SVOPL: variants seen among roughly 807,000 people sequenced by gnomAD.
SVOPL encodes SVOP like.
A neutral mutation model predicts 61.0 loss-of-function variants in SVOPL; 60 were observed. The ratio of observed to expected loss-of-function variants is 0.98; its 90% confidence interval spans 0.80 to 1.22. The LOEUF (loss-of-function observed/expected upper bound fraction) is 1.22. SVOPL is among the 50% of genes most tolerant of loss of function. SVOPL has a pLI of 0.00. For synonymous variants in SVOPL, 279 were observed against 250.0 expected, an observed-to-expected ratio of 1.12 and a Z score of -1.09; for missense variants, 662 against 643.9, an observed-to-expected ratio of 1.03 and a Z score of -0.30.
chr7:138,680,571 TTGTGTG>T (rs60027714), intron 1 of SVOPL, among the ~76,000 whole-genome samples: 2 of 148,008 alleles, frequency 1.4e-5, no homozygotes, highest in African/African-American at 5.0e-5. Context: ...ACACAGACTT[TTGTGTG>T]TGTGTGTGTG....
chr7:138,662,271 C>A (rs1802033248), intron 5 of SVOPL: 1 of 985,332 alleles, frequency 1.0e-6, no homozygotes, highest in Non-Finnish European at 1.2e-6. Context: ...TCCTAAAATT[C>A]CATCACAGGC....
intron 5 of SVOPL, chr7:138,660,681 T>C (rs1236593891): frequency 6.2e-5 from 61 of 985,330 alleles, no homozygotes; most frequent in Non-Finnish European, 7.2e-5. Flanking sequence ...CTGATATCTT[T>C]AGCAAGCTAG....
intron 3 of SVOPL, among the ~76,000 whole-genome samples, chr7:138,675,776 CCCCAT>C (rs1802545060): frequency 6.6e-6 from 1 of 152,094 alleles, no homozygotes; most frequent in South Asian, 2.1e-4. Flanking sequence ...GTTGAGTGGA[CCCCAT>C]ATCTTTGATT....
In SVOPL at chr7:138,613,317, G is replaced by T. The variant is rs556451253; in HGVS notation, c.1353+7729C>A. ...TTACAGGCATGAGCCACCGTGACAG[G>T]CCAGAGTGATCTTTTTAAAAAACAA... On this transcript the variant is annotated intron_variant, in intron 14 of 15. Coordinates refer to ENST00000674285, the MANE Select transcript of SVOPL (RefSeq NM_001139456.2). 7.8e-4 allele frequency among the ~76,000 whole-genome samples: 118 copies of T among 152,174 alleles called. No homozygotes were observed. In the South Asian group the frequency reaches 0.024, roughly 30 times the overall value.
chr7:138,676,997 G>A (rs901146650), intron 3 of SVOPL, among the ~76,000 whole-genome samples: 4 of 144,390 alleles, frequency 2.8e-5, no homozygotes, highest in Non-Finnish European at 6.0e-5. Flanking sequence ...TCCACCTCCC[G>A]GATTCACGCC....
At chr7:138,680,001 G>C (rs58930234) in intron 1 of SVOPL, among the ~76,000 whole-genome samples, 1 of 151,918 alleles carries the variant, frequency 6.6e-6, no homozygotes. Flanking sequence ...CTCTGAGACC[G>C]GTAACCAACC....
Position 138,628,359 on chromosome 7 carries a change from C to G in SVOPL, c.868G>C (p.Gly290Arg). ...ACCCCATAGTAGGCAAAAGAGATTC[C>G]AAGCCTGGAAGAGAGAAAACAAAGT... The part of the protein sequence containing the change: ...TTLQIWVIWL[G>R]ISFAYYGVIL... Residue 290 changes from glycine (G) to arginine (R), a missense_variant, in exon 11 of 16, where the codon GGA becomes CGA. Transcript: ENST00000674285. 1.9e-6 allele frequency: 3 copies of G among 1,613,920 alleles called. No individual in the cohort carries two copies. Among genetic ancestry groups the G allele is most frequent in the Non-Finnish European group, 2.5e-6 (3 of 1,179,970 alleles).
chr7:138,690,624 G>T (rs147460317), intron 1 of SVOPL, among the ~76,000 whole-genome samples: 1 of 152,022 alleles, frequency 6.6e-6, no homozygotes, highest in Non-Finnish European at 1.5e-5. Context: ...GAGTGGTTGC[G>T]GGGGGAGGAG....
intron 4 of SVOPL, chr7:138,663,542 A>G: frequency 2.0e-6 from 2 of 999,120 alleles, no homozygotes; most frequent in Non-Finnish European, 2.4e-6. Context: ...TGTTATTACA[A>G]ATAGACATAA....
At chr7:138,601,618 G>A (rs955360896) in intron 14 of SVOPL, among the ~76,000 whole-genome samples, 1 of 151,968 alleles carries the variant, frequency 6.6e-6, no homozygotes, top group Admixed American at 6.6e-5. Context: ...GGGGGAAATG[G>A]GAAGATGTAG....
In SVOPL at chr7:138,688,932, A is replaced by G. The variant is rs1007376151; in HGVS notation, c.-34-9853T>C. On this transcript the variant is annotated intron_variant, in intron 1 of 15. Coordinates refer to ENST00000674285, the MANE Select transcript of SVOPL (RefSeq NM_001139456.2). ...CATTGCAGATGTAATTCGTTAAGAT[A>G]AAGTCAGCTCTTCCTCTTTCCCTAA... The G allele has an allele frequency of 1.7e-5, 9 of 520,304 alleles. No individual in the cohort carries two copies. The African/African-American group carries it at 1.7e-4, about 10-fold the overall frequency. 32.2% of individuals were successfully genotyped at this position (520,304 alleles called of 1,614,324 possible). A position where few individuals can be genotyped will look rare whatever the true frequency, so the allele number is the denominator to read the frequency against.
intron 1 of SVOPL, among the ~76,000 whole-genome samples, chr7:138,688,808 A>G (rs1802876410): frequency 6.6e-6 from 1 of 152,172 alleles, no homozygotes; most frequent in South Asian, 2.1e-4. Context: ...GAGAATTGAG[A>G]ACATAATCTT....
chr7:138,612,580 A>G (rs1211306713), intron 14 of SVOPL, among the ~76,000 whole-genome samples: 1 of 146,056 alleles, frequency 6.8e-6, no homozygotes, highest in Non-Finnish European at 1.5e-5. Context: ...TAGTGGTGTG[A>G]TCTTAGCTCA....
intron 1 of SVOPL, among the ~76,000 whole-genome samples, chr7:138,694,313 C>T (rs767102000): frequency 1.3e-5 from 2 of 151,856 alleles, no homozygotes; most frequent in Non-Finnish European, 2.9e-5. Context: ...GGTGTGATCT[C>T]GGCTCACTGC....
At chr7:138,650,083 G>A (rs1162768429) in intron 7 of SVOPL, among the ~76,000 whole-genome samples, 1 of 152,090 alleles carries the variant, frequency 6.6e-6, no homozygotes, top group African/African-American at 2.4e-5. Context: ...GCCCACCTTG[G>A]CCTCCCAAAG....
chr7:138,664,197 C>A, intron 4 of SVOPL: 1 of 978,378 alleles, frequency 1.0e-6, no homozygotes, highest in Non-Finnish European at 1.2e-6. Context: ...CCTCCCCCTC[C>A]CCCACCTTCT....
chr7:138,651,012 G>A (rs536633509), intron 7 of SVOPL, among the ~76,000 whole-genome samples: 24 of 151,118 alleles, frequency 1.6e-4, no homozygotes, highest in Non-Finnish European at 2.7e-4. Flanking sequence ...TTCTGGATTC[G>A]AAACCTCTAA....
intron 4 of SVOPL, among the ~76,000 whole-genome samples, chr7:138,664,056 C>T (rs2117090425): frequency 6.6e-6 from 1 of 152,252 alleles, no homozygotes; most frequent in Non-Finnish European, 1.5e-5. Context: ...CAGAAACGTT[C>T]CGTAACCCTG....
chr7:138,653,621 G>A (rs1801542523), intron 7 of SVOPL, among the ~76,000 whole-genome samples: 2 of 151,980 alleles, frequency 1.3e-5, no homozygotes, highest in African/African-American at 4.8e-5. Context: ...GGTCGACATG[G>A]CAAAATCTCA....
Sources: gnomAD v4.1 joint callset for allele counts (sites outside exome capture counted in the v4.1 genomes callset) on GRCh38, gnomAD v4.1.1 for gene constraint, MANE v1.5 for transcripts, NCBI Gene and HGNC (gene_info 2026-07-23, HGNC 2026-07-21) for gene names.